ASXL2: variants seen among roughly 807,000 people sequenced by gnomAD.
The protein encoded by ASXL2 is ASXL transcriptional regulator 2.
A neutral mutation model predicts 122.0 loss-of-function variants in ASXL2; 23 were observed. The observed-to-expected ratio is 0.19, with a 90% CI of 0.14 to 0.27. ASXL2 has a LOEUF of 0.27. ASXL2 is among the 10% of genes least tolerant of loss of function. ASXL2 has a pLI of 1.00. For synonymous variants in ASXL2, 650 were observed against 637.0 expected, an observed-to-expected ratio of 1.02 and a Z score of -0.31; for missense variants, 1,518 against 1,713.8, an observed-to-expected ratio of 0.89 and a Z score of 2.02.
In ASXL2 at chr2:25,767,632, T is replaced by A. The variant is rs1365861266; in HGVS notation, c.726A>T (p.Leu242Phe). The change falls in exon 8 of 13, where the codon TTA (leucine) becomes TTT (phenylalanine). Residue 242 changes from leucine to phenylalanine, a missense_variant. Leu to Phe is a conservative substitution (Grantham distance 22, BLOSUM62 0). Transcript: ENST00000435504. ...FSSSVKVENT[L>F]LGLGKKSFQR... ...GGAATGACTTCTTCCCCAAGCCTAG[T>A]AAAGTATTTTCCACTTTAACTGAGG... The A allele has an allele frequency of 1.2e-6, 2 of 1,613,966 alleles. No homozygotes were observed. The highest frequency in any genetic ancestry group is 1.3e-5 in the African/African-American group (1 of 75,054).
intron 5 of ASXL2, among the ~76,000 whole-genome samples, chr2:25,787,083 A>G (rs1379364039): frequency 1.3e-5 from 2 of 152,178 alleles, no homozygotes; most frequent in African/African-American, 4.8e-5. Context: ...TTAAAAATTA[A>G]TTTTGCAATG....
Position 25,852,637 on chromosome 2 carries a change from G to C in ASXL2, c.58-7074C>G, listed in dbSNP as rs139569591. ...CCAATATAGAGTGAGAAGAGATGAG[G>C]GCTTCTGCTATAGAACAATATATCA... On this transcript the variant is annotated intron_variant, in intron 1 of 12. Coordinates refer to ENST00000435504, the MANE Select transcript of ASXL2 (RefSeq NM_018263.6). 7.1e-3 allele frequency among the ~76,000 whole-genome samples: 1,081 copies of C among 152,106 alleles called. 10 individuals carry two copies. Among genetic ancestry groups the C allele is most frequent in the Non-Finnish European group, 0.011 (774 of 68,008 alleles).
At chr2:25,870,289 C>A (rs547262309) in intron 1 of ASXL2, among the ~76,000 whole-genome samples, 1 of 152,210 alleles carries the variant, frequency 6.6e-6, no homozygotes, top group East Asian at 1.9e-4. Flanking sequence ...CTTTGGGAGG[C>A]CAAGGTGGAT....
At chr2:25,755,946 A>G in intron 10 of ASXL2, 72 bp downstream of exon 10, 1 of 1,261,380 alleles carries the variant, frequency 7.9e-7, no homozygotes. Context: ...AAACTGCGTA[A>G]TTACCTGATG....
chr2:25,833,891 T>A (rs2089481086), intron 3 of ASXL2, among the ~76,000 whole-genome samples: 1 of 152,224 alleles, frequency 6.6e-6, no homozygotes, highest in South Asian at 2.1e-4. Flanking sequence ...TTGATGAGAC[T>A]ATGCATTAGT....
At chr2:25,865,611 C>CAA (rs35970829) in intron 1 of ASXL2, among the ~76,000 whole-genome samples, 69 of 134,020 alleles carry the variant, frequency 5.1e-4, no homozygotes, top group South Asian at 7.1e-4. Context: ...ACTAAAAATA[C>CAA]AAAAAAAAAA....
chr2:25,824,185 G>T (rs1364364004), intron 3 of ASXL2, among the ~76,000 whole-genome samples: 1 of 150,762 alleles, frequency 6.6e-6, no homozygotes, highest in African/African-American at 2.4e-5. Context: ...ATGCTGTTTT[G>T]AACTAAAGGT....
rs2087908016 is a variant in ASXL2, at chr2:25,744,530, A to G, written c.1861-54T>C. The G allele has an allele frequency of 7.9e-6, 12 of 1,520,948 alleles. No individual in the cohort carries two copies. Among genetic ancestry groups the G allele is most frequent in the African/African-American group, 1.4e-5 (1 of 71,774 alleles). 94.2% of individuals were successfully genotyped at this position (1,520,948 alleles called of 1,614,324 possible). A position where few individuals can be genotyped will look rare whatever the true frequency, so the allele number is the denominator to read the frequency against. On this transcript the variant is annotated intron_variant, in intron 12 of 12. Coordinates refer to ENST00000435504, the MANE Select transcript of ASXL2 (RefSeq NM_018263.6). The surrounding 1 kb of genome is among the most constrained non-coding windows in gnomAD (Gnocchi z 4.7). ...CAGAGCTTAGTTTTCATTTGTAAGA[A>G]TAACAAAACTTCATTAGCCCTCACA...
intron 1 of ASXL2, among the ~76,000 whole-genome samples, chr2:25,854,862 T>C (rs945885121): frequency 1.2e-4 from 18 of 152,246 alleles, no homozygotes; most frequent in South Asian, 6.2e-4. Flanking sequence ...TCATCCTCTA[T>C]AGTAAGCCAT....
intron 1 of ASXL2, among the ~76,000 whole-genome samples, chr2:25,853,983 C>T (rs906593647): frequency 2.0e-5 from 3 of 152,010 alleles, no homozygotes; most frequent in Non-Finnish European, 4.4e-5. Flanking sequence ...CAGATTTGGG[C>T]GCAGAAACTT....
intron 5 of ASXL2, among the ~76,000 whole-genome samples, chr2:25,780,739 A>G (rs909333812): frequency 2.0e-5 from 3 of 152,180 alleles, no homozygotes; most frequent in Non-Finnish European, 4.4e-5. Context: ...AAACATGTAC[A>G]CTTCAAGAAG....
chr2:25,741,817 CAA>C lies in ASXL2; in HGVS notation c.*210_*211del, dbSNP rs767756646. 10 of 504,802 alleles carry C rather than the reference CAA, an allele frequency of 2.0e-5. No individual in the cohort carries two copies. Among genetic ancestry groups the C allele is most frequent in the Admixed American group, 3.4e-5 (1 of 29,580 alleles). 31.3% of individuals were successfully genotyped at this position (504,802 alleles called of 1,614,324 possible). A position where few individuals can be genotyped will look rare whatever the true frequency, so the allele number is the denominator to read the frequency against. On this transcript the variant is annotated 3_prime_UTR_variant, in exon 13 of 13. Coordinates refer to ENST00000435504, the MANE Select transcript of ASXL2 (RefSeq NM_018263.6). The stretch of plus-strand genomic sequence containing the variant: ...TAAGTGCAAACTTGTCACAAATTCA[CAA>C]AGTCTTGCTTGACTTAGACTTACTA...
rs761634205 is a variant in ASXL2 at position 25,734,031 on chromosome 2, A to G, written c.*7998T>C. 6.6e-6 allele frequency: 1 copy of G among 151,788 alleles called. No individual in the cohort carries two copies. The highest frequency in any genetic ancestry group is 1.5e-5 in the Non-Finnish European group (1 of 67,970). The allele number at this position is 151,788 out of a possible 1,614,324, so 9.4% of individuals were successfully genotyped here. Reference sequence around the variant, plus strand: ...TTCTCTTAGTGCTGGTGAAGGGTGCAATGCAGTCACAGAATTAAGACAGGT... The same window carrying G: ...TTCTCTTAGTGCTGGTGAAGGGTGCGATGCAGTCACAGAATTAAGACAGGT... On this transcript the variant is annotated 3_prime_UTR_variant, in exon 13 of 13. Transcript: ENST00000435504.
chr2:25,738,728 G>C lies in ASXL2; in HGVS notation c.*3301C>G, dbSNP rs2087777725. The C allele has an allele frequency of 6.6e-6, 1 of 152,124 alleles. No individual in the cohort carries two copies. The highest frequency in any genetic ancestry group is 1.5e-5 in the Non-Finnish European group (1 of 68,038). 9.4% of individuals were successfully genotyped at this position (152,124 alleles called of 1,614,324 possible). A position where few individuals can be genotyped will look rare whatever the true frequency, so the allele number is the denominator to read the frequency against. ...TCAGGTCATTAATATGTATGACTTT[G>C]CACCTTCACCTGGAAGGCAATGAGG... On this transcript the variant is annotated 3_prime_UTR_variant, in exon 13 of 13. Transcript: ENST00000435504.
intron 9 of ASXL2, among the ~76,000 whole-genome samples, chr2:25,757,773 A>G (rs974303440): frequency 2.6e-5 from 4 of 151,516 alleles, no homozygotes; most frequent in African/African-American, 9.7e-5. Context: ...TAATTCTAAA[A>G]TTGTATGTGG....
chr2:25,836,750 C>T (rs13002752), intron 2 of ASXL2, among the ~76,000 whole-genome samples: 21,679 of 152,052 alleles, frequency 0.14, 2,079 homozygotes, highest in African/African-American at 0.27. Context: ...CTCACCTATA[C>T]TAATCTTATA....
At chr2:25,765,303 G>A (rs1218839841) in intron 8 of ASXL2, among the ~76,000 whole-genome samples, 2 of 151,938 alleles carry the variant, frequency 1.3e-5, no homozygotes, top group Non-Finnish European at 2.9e-5. Flanking sequence ...GGCTAACACA[G>A]TGAAACCCCG....
At chr2:25,845,607 T>C in intron 1 of ASXL2, 44 bp from the exon 2 acceptor site, 1 of 878,602 alleles carries the variant, frequency 1.1e-6, no homozygotes. Context: ...TTATTTCAAG[T>C]TATTATAATT....
intron 5 of ASXL2, among the ~76,000 whole-genome samples, chr2:25,781,616 G>A (rs1442512748): frequency 1.4e-5 from 2 of 147,402 alleles, no homozygotes; most frequent in African/African-American, 2.5e-5. Flanking sequence ...GAATTCCTGG[G>A]CTCAAGGTAT....
Sources: allele counts gnomAD v4.1 joint callset (sites outside exome capture counted in the v4.1 genomes callset), GRCh38; gene constraint gnomAD v4.1.1; non-coding constraint Gnocchi (gnomAD v3.1); transcripts MANE v1.5; gene names NCBI Gene and HGNC (gene_info 2026-07-23, HGNC 2026-07-21).